The following ROBO2 variants were observed in gnomAD, a reference collection of about 807,000 sequenced individuals.
ROBO2 encodes the protein roundabout homolog 2.
In ROBO2, 53 loss-of-function variants were observed where a neutral mutation model predicts 160.8. That is an observed-to-expected ratio of 0.33 (90% confidence interval 0.26 to 0.41). ROBO2 has a LOEUF of 0.41. Ranked by LOEUF, ROBO2 falls within the 10% of genes least tolerant of loss-of-function variation. ROBO2 has a pLI of 1.00. For missense variants in ROBO2, 1,577 were observed against 1,722.4 expected, an observed-to-expected ratio of 0.92 and a Z score of 1.49; for synonymous variants, 664 against 611.7, an observed-to-expected ratio of 1.09 and a Z score of -1.26.
intron 2 of ROBO2, among the ~76,000 whole-genome samples, chr3:76,757,017 C>G (rs899544188): frequency 6.6e-6 from 1 of 151,840 alleles, no homozygotes; most frequent in Non-Finnish European, 1.5e-5. Context: ...TTGGAGATTA[C>G]AGCTGCTAAA....
chr3:77,498,773 G>A (rs970436152), intron 5 of ROBO2, among the ~76,000 whole-genome samples: 1 of 152,066 alleles, frequency 6.6e-6, no homozygotes, highest in African/African-American at 2.4e-5. Flanking sequence ...GAGGCAATGG[G>A]CCTTCTTCAC....
chr3:76,755,472 A>G (rs2108296056), intron 2 of ROBO2, among the ~76,000 whole-genome samples: 1 of 151,880 alleles, frequency 6.6e-6, no homozygotes, highest in South Asian at 2.1e-4. Flanking sequence ...TTTGCTAGCA[A>G]GATTAGGAGG....
chr3:75,956,860 CA>C, intron 2 of ROBO2, among the ~76,000 whole-genome samples: 1 of 151,776 alleles, frequency 6.6e-6, no homozygotes. Context: ...GCAGTTGGAC[CA>C]AAAAGTTGGA....
chr3:76,031,831 T>G (rs1205983181), intron 2 of ROBO2, among the ~76,000 whole-genome samples: 2 of 152,082 alleles, frequency 1.3e-5, no homozygotes, highest in Non-Finnish European at 2.9e-5. Context: ...TCTCTTTTTT[T>G]TTATTGTGTT....
chr3:76,798,326 T>C (rs867484402), intron 2 of ROBO2, among the ~76,000 whole-genome samples: 12 of 123,696 alleles, frequency 9.7e-5, no homozygotes, highest in African/African-American at 3.5e-4. Flanking sequence ...AAAGAACGAA[T>C]GAACTAAAGG....
intron 2 of ROBO2, among the ~76,000 whole-genome samples, chr3:76,676,788 C>CT (rs574785948): frequency 3.3e-4 from 50 of 151,908 alleles, no homozygotes; most frequent in African/African-American, 1.1e-3. Flanking sequence ...GGTTGTAGGG[C>CT]TTTTTTTTCC....
rs73842971 is a variant in ROBO2, at chr3:76,091,281, G to A, written c.109+153679G>A. Among the ~76,000 whole-genome samples the A allele has an allele frequency of 8.0e-3, 1,212 of 152,188 alleles. 7 individuals are homozygous for A. The highest frequency in any genetic ancestry group is 0.027 in the African/African-American group (1,124 of 41,514). On this transcript the variant is annotated intron_variant, in intron 2 of 26. Coordinates refer to the ROBO2 transcript ENST00000487694. Reference sequence around the variant, plus strand: ...AAAAAATGAGCAAAAGGCGTGAACCGACACCTCACTAAAGAAGATATAAAG... The same window carrying A: ...AAAAAATGAGCAAAAGGCGTGAACCAACACCTCACTAAAGAAGATATAAAG...
intron 17 of ROBO2, among the ~76,000 whole-genome samples, chr3:77,590,244 T>G (rs1286659159): frequency 1.3e-5 from 2 of 152,168 alleles, no homozygotes; most frequent in Non-Finnish European, 2.9e-5. Context: ...GAGGCTTCCA[T>G]GTTTGGTGAC....
intron 2 of ROBO2, among the ~76,000 whole-genome samples, chr3:76,249,235 A>G (rs1292082599): frequency 6.6e-6 from 1 of 152,108 alleles, no homozygotes; most frequent in Non-Finnish European, 1.5e-5. Flanking sequence ...TCACCACCAC[A>G]CAGTACTAAC....
intron 2 of ROBO2, among the ~76,000 whole-genome samples, chr3:76,342,036 A>G (rs888121843): frequency 3.3e-5 from 5 of 152,198 alleles, no homozygotes; most frequent in African/African-American, 4.8e-5. Flanking sequence ...GTTATGAAAC[A>G]GTGTTTACAG....
intron 2 of ROBO2, among the ~76,000 whole-genome samples, chr3:77,296,405 A>C (rs568514968): frequency 1.2e-3 from 184 of 152,272 alleles, no homozygotes; most frequent in Non-Finnish European, 2.2e-3. Flanking sequence ...AAAGACATAA[A>C]GTAAAATTGA....
chr3:76,779,493 C>T (rs1576576026), intron 2 of ROBO2, among the ~76,000 whole-genome samples: 1 of 151,006 alleles, frequency 6.6e-6, no homozygotes, highest in East Asian at 2.0e-4. Context: ...ACCCCTTAAA[C>T]ATCAACTTTC....
chr3:77,610,763 A>C lies in ROBO2; in HGVS notation c.3293+2809A>C, dbSNP rs1412919062. Among the ~76,000 whole-genome samples the C allele has an allele frequency of 1.7e-4, 26 of 149,688 alleles. No individual in the cohort carries two copies. In the East Asian group the frequency reaches 2.7e-3, roughly 16 times the overall value. ...GACCAAAAAAAAAAAAAAAAAAAAA[A>C]AAAAGAAAATAAATATAATACAATG... On this transcript the variant is annotated intron_variant, in intron 21 of 25. Transcript: ENST00000461745.
At chr3:77,527,612 C>T (rs116795270) in intron 6 of ROBO2, among the ~76,000 whole-genome samples, 198 bp downstream of exon 7, 1,918 of 151,298 alleles carry the variant, frequency 0.013, 49 homozygotes, top group African/African-American at 0.045. Context: ...TGCTACATAG[C>T]AATAAGTAGG....
At chr3:77,291,757 C>G (rs2061302337) in intron 2 of ROBO2, among the ~76,000 whole-genome samples, 2 of 150,734 alleles carry the variant, frequency 1.3e-5, no homozygotes, top group South Asian at 4.2e-4. Context: ...CTAGATCACC[C>G]AGACATAAAG....
intron 2 of ROBO2, among the ~76,000 whole-genome samples, chr3:76,177,017 C>T (rs1489524582): frequency 6.6e-6 from 1 of 151,982 alleles, no homozygotes; most frequent in Non-Finnish European, 1.5e-5. Context: ...TAGTTTTTGC[C>T]ACAGTCTCCA....
At chr3:77,013,081 T>G (rs1277449613) in intron 2 of ROBO2, among the ~76,000 whole-genome samples, 1 of 152,144 alleles carries the variant, frequency 6.6e-6, no homozygotes, top group East Asian at 1.9e-4. Flanking sequence ...ATGTATTCAT[T>G]TAAGAGAAAG....
At chr3:76,118,253 C>T (rs2070563342) in intron 2 of ROBO2, among the ~76,000 whole-genome samples, 1 of 152,170 alleles carries the variant, frequency 6.6e-6, no homozygotes, top group Non-Finnish European at 1.5e-5. Context: ...GAGAGGGACA[C>T]AGAGAGACAA....
intron 2 of ROBO2, among the ~76,000 whole-genome samples, chr3:76,691,202 A>G (rs2092794547): frequency 6.6e-6 from 1 of 152,058 alleles, no homozygotes. Flanking sequence ...ACAAAGGAAT[A>G]AGTTCGGCCC....
Sources: gnomAD v4.1 joint callset for allele counts (sites outside exome capture counted in the v4.1 genomes callset) on GRCh38, gnomAD v4.1.1 for gene constraint, MANE v1.5 for transcripts, NCBI Gene and HGNC (gene_info 2026-07-23, HGNC 2026-07-21) for gene names.